Variants in CNTLN observed in about 807,000 individuals in gnomAD.
The protein encoded by CNTLN is centlein, centrosomal protein.
CNTLN carries 212 observed loss-of-function variants against 180.0 expected under a neutral mutation model. The observed-to-expected ratio is 1.18, with a 90% confidence interval of 1.05 to 1.32. CNTLN has a LOEUF of 1.32. Among genes scored for constraint, CNTLN ranks in the 40% most tolerant of loss-of-function variants. The probability of loss-of-function intolerance (pLI) is 0.00; values close to 1 mark genes in which losing one functional copy is unlikely to be tolerated. For missense variants in CNTLN, 2,095 were observed against 1,610.9 expected, an observed-to-expected ratio of 1.30 and a Z score of -5.14; for synonymous variants, 722 against 563.1, an observed-to-expected ratio of 1.28 and a Z score of -3.99.
intron 2 of CNTLN, among the ~76,000 whole-genome samples, chr9:17,158,360 A>G (rs902698264): frequency 6.6e-6 from 1 of 151,950 alleles, no homozygotes; most frequent in African/African-American, 2.4e-5. Context: ...CTTTTCTTGT[A>G]ATGTCTTTGC....
In CNTLN at chr9:17,342,711, G is replaced by A. The variant is rs180794985; in HGVS notation, c.1886+267G>A. Among the ~76,000 whole-genome samples the A allele has an allele frequency of 5.2e-3, 794 of 152,200 alleles. 5 individuals are homozygous for A. The highest frequency in any genetic ancestry group is 8.2e-3 in the Admixed American group (126 of 15,288). ...GTGGCTCTCATCTGTTGGAGGTGTC[G>A]CTCTTCATTAGCCTGTATTTTAGAC... On this transcript the variant is annotated intron_variant, in intron 12 of 25. Transcript: ENST00000380647.
rs774894736 is a variant in CNTLN at position 17,340,880 on chromosome 9, A to T, written c.1698A>T (p.Leu566=). 2.5e-6 allele frequency: 4 copies of T among 1,612,582 alleles called. No homozygotes were observed. Among genetic ancestry groups the T allele is most frequent in the Middle Eastern group, 1.7e-4 (1 of 6,052 alleles). The change falls in exon 11 of 26, where the codon CTA becomes CTT. Residue 566 remains leucine (L), a synonymous_variant. Coordinates refer to ENST00000380647, the MANE Select transcript of CNTLN (RefSeq NM_017738.4). ...RDAHEKRKER[L]QMLQTNYRAV... ...CCCATGAAAAACGCAAGGAACGGCT[A>T]CAGATGTTACAGACCAACTACAGAG...
chr9:17,305,320 A>G (rs1030078981), intron 7 of CNTLN, among the ~76,000 whole-genome samples: 11 of 152,148 alleles, frequency 7.2e-5, no homozygotes, highest in Non-Finnish European at 1.2e-4. Flanking sequence ...TTACATTTTT[A>G]TAGGCCAGAA....
chr9:17,269,735 G>T (rs75161660), intron 5 of CNTLN, among the ~76,000 whole-genome samples: 5,164 of 152,158 alleles, frequency 0.034, 162 homozygotes, highest in East Asian at 0.18. Flanking sequence ...TTCTGTTGTT[G>T]TTGAGTGGAA....
intron 18 of CNTLN, among the ~76,000 whole-genome samples, chr9:17,452,143 G>T (rs1830820974): frequency 6.6e-6 from 1 of 152,146 alleles, no homozygotes. Flanking sequence ...ATTGTTTTGG[G>T]AGTAATTAGG....
At chr9:17,173,670 A>C (rs1409719883) in intron 2 of CNTLN, among the ~76,000 whole-genome samples, 1 of 152,214 alleles carries the variant, frequency 6.6e-6, no homozygotes, top group Non-Finnish European at 1.5e-5. Context: ...CAAAACAAAG[A>C]AACATTGTTG....
intron 10 of CNTLN, among the ~76,000 whole-genome samples, chr9:17,338,340 T>TTTTTTTTG (rs1176217349): frequency 0.016 from 2,264 of 142,668 alleles, 92 homozygotes; most frequent in Non-Finnish European, 0.026. Flanking sequence ...AATTTTTGTT[T>TTTTTTTTG]TTTTTTTTTT....
chr9:17,224,790 T>C (rs983441462), intron 2 of CNTLN, among the ~76,000 whole-genome samples: 7 of 152,042 alleles, frequency 4.6e-5, no homozygotes, highest in African/African-American at 1.4e-4. Flanking sequence ...AACTTACTTA[T>C]TGTAGTCTTT....
intron 13 of CNTLN, among the ~76,000 whole-genome samples, chr9:17,368,474 T>C (rs940987146): frequency 2.6e-5 from 4 of 152,300 alleles, no homozygotes; most frequent in African/African-American, 9.6e-5. Context: ...GTCTGCTCTT[T>C]GCAGAGCCCT....
intron 8 of CNTLN, among the ~76,000 whole-genome samples, chr9:17,328,319 A>G (rs1820436945): frequency 1.3e-5 from 2 of 152,278 alleles, no homozygotes; most frequent in Middle Eastern, 3.4e-3. Context: ...AAAGTAACCC[A>G]TAAACTGGGT....
intron 6 of CNTLN, among the ~76,000 whole-genome samples, chr9:17,294,173 AGT>A (rs1817619607): frequency 6.6e-6 from 1 of 151,744 alleles, no homozygotes; most frequent in Non-Finnish European, 1.5e-5. Context: ...GGATCCAAAG[AGT>A]GAGCAGCAGC....
chr9:17,331,508 T>C (rs1160722507), intron 9 of CNTLN, among the ~76,000 whole-genome samples: 27 of 151,954 alleles, frequency 1.8e-4, no homozygotes, highest in Admixed American at 1.8e-3. Flanking sequence ...AGTAAGAGTT[T>C]TAGCATATTT....
rs187136206 is a variant in CNTLN at position 17,290,880 on chromosome 9, G to T, written c.984-7310G>T. ...CCCTGCTTCGGCTCGCGCATGGTGCGTGCACCCACTGGCCTGCGCCCACTG... is the reference window on the plus strand; with the variant it reads ...CCCTGCTTCGGCTCGCGCATGGTGCTTGCACCCACTGGCCTGCGCCCACTG... On this transcript the variant is annotated intron_variant, in intron 6 of 25. Transcript: ENST00000380647. 5.2e-3 allele frequency among the ~76,000 whole-genome samples: 796 copies of T among 152,298 alleles called. 5 individuals are homozygous for T. The highest frequency in any genetic ancestry group is 8.2e-3 in the Admixed American group (125 of 15,306).
intron 2 of CNTLN, among the ~76,000 whole-genome samples, chr9:17,216,580 G>A (rs1048015031): frequency 6.6e-6 from 1 of 152,170 alleles, no homozygotes; most frequent in Non-Finnish European, 1.5e-5. Context: ...TAATTTCATA[G>A]TAAAGGAGAG....
chr9:17,445,225 C>G (rs1166716194), intron 18 of CNTLN, among the ~76,000 whole-genome samples: 2 of 151,916 alleles, frequency 1.3e-5, no homozygotes, highest in South Asian at 2.1e-4. Flanking sequence ...GATATGAATA[C>G]TTAGTACTGC....
intron 23 of CNTLN, among the ~76,000 whole-genome samples, chr9:17,467,513 C>T (rs1056628762): frequency 2.0e-5 from 3 of 151,454 alleles, no homozygotes; most frequent in South Asian, 2.1e-4. Flanking sequence ...ATCATAGATA[C>T]CTTGGGAGTT....
At chr9:17,290,253 T>C (rs1344857732) in intron 6 of CNTLN, among the ~76,000 whole-genome samples, 3 of 151,976 alleles carry the variant, frequency 2.0e-5, no homozygotes, top group African/African-American at 4.8e-5. Context: ...TGCAGGTCTG[T>C]TGGAATACCC....
intron 2 of CNTLN, among the ~76,000 whole-genome samples, chr9:17,200,918 A>G (rs1245958542): frequency 1.3e-5 from 2 of 152,156 alleles, no homozygotes; most frequent in Admixed American, 1.3e-4. Context: ...GTGGTTTTCA[A>G]AGGGAATGTT....
At chr9:17,275,385 T>A (rs1321528365) in intron 6 of CNTLN, among the ~76,000 whole-genome samples, 1 of 152,158 alleles carries the variant, frequency 6.6e-6, no homozygotes, top group Non-Finnish European at 1.5e-5. Context: ...CTCAGTGGTC[T>A]CAGACATTTA....
Sources: allele counts gnomAD v4.1 joint callset (sites outside exome capture counted in the v4.1 genomes callset), GRCh38; gene constraint gnomAD v4.1.1; transcripts MANE v1.5; gene names NCBI Gene and HGNC (gene_info 2026-07-23, HGNC 2026-07-21).